The following TMC1 variants were observed in gnomAD, a reference collection of about 807,000 sequenced individuals.
TMC1 encodes transmembrane channel-like protein 1.
TMC1 carries 84 observed loss-of-function variants against 105.8 expected under a neutral mutation model. The ratio of observed to expected loss-of-function variants is 0.79; its 90% CI spans 0.67 to 0.95. The LOEUF is 0.95. Ranked by LOEUF, TMC1 falls within the 40% of genes least tolerant of loss-of-function variation. The pLI is 0.00. For missense variants in TMC1, 817 were observed against 914.1 expected (o/e 0.89, Z 1.37); for synonymous variants, 315 against 311.5 (o/e 1.01, Z -0.12).
chr9:72,564,716 T>C (rs1228452810), intron 1 of TMC1, among the ~76,000 whole-genome samples: 5 of 152,310 alleles, frequency 3.3e-5, no homozygotes, highest in Non-Finnish European at 7.4e-5. Flanking sequence ...ACAGATTCCA[T>C]AGTGAAAGGC....
intron 2 of TMC1, among the ~76,000 whole-genome samples, chr9:72,594,213 C>T (rs1433727445): frequency 6.6e-6 from 1 of 152,094 alleles, no homozygotes; most frequent in Admixed American, 6.5e-5. Flanking sequence ...AAGAAATGGA[C>T]AAAGCAGAAA....
intron 1 of TMC1, among the ~76,000 whole-genome samples, chr9:72,555,569 C>T (rs182547500): frequency 2.0e-5 from 3 of 152,090 alleles, no homozygotes; most frequent in Middle Eastern, 3.4e-3. Flanking sequence ...AAATCCCATG[C>T]GAATAAGTGG....
chr9:72,781,574 A>G lies in TMC1; in HGVS notation c.885-6765A>G, dbSNP rs145781700. Reference sequence around the variant, plus strand: ...ATAAGATTGATAGACCACTAGCTAGATTAATAAAGAAAAAAGAAGATTCAA... The same window carrying G: ...ATAAGATTGATAGACCACTAGCTAGGTTAATAAAGAAAAAAGAAGATTCAA... On this transcript the variant is annotated intron_variant, in intron 13 of 23. Transcript: ENST00000297784. 5.7e-3 allele frequency among the ~76,000 whole-genome samples: 872 copies of G among 152,278 alleles called. 6 individuals are homozygous for G. Among genetic ancestry groups the G allele is most frequent in the African/African-American group, 0.02 (835 of 41,572 alleles).
chr9:72,589,602 C>T (rs1280237513), intron 2 of TMC1, among the ~76,000 whole-genome samples: 1 of 151,372 alleles, frequency 6.6e-6, no homozygotes, highest in East Asian at 1.9e-4. Flanking sequence ...ACCTGAGGCA[C>T]GTTTTTAACA....
intron 5 of TMC1, among the ~76,000 whole-genome samples, chr9:72,679,725 TC>T (rs1826257627): frequency 6.6e-6 from 1 of 152,068 alleles, no homozygotes; most frequent in South Asian, 2.1e-4. Context: ...GAAGGTTTCA[TC>T]CCATGACCTA....
chr9:72,689,894 T>A (rs930914382), intron 6 of TMC1, among the ~76,000 whole-genome samples: 1 of 152,114 alleles, frequency 6.6e-6, no homozygotes, highest in Non-Finnish European at 1.5e-5. Flanking sequence ...GGTTTCTTTT[T>A]TAATTCATTC....
chr9:72,793,326 C>G (rs1310336369), intron 17 of TMC1, among the ~76,000 whole-genome samples: 1 of 152,172 alleles, frequency 6.6e-6, no homozygotes, highest in Non-Finnish European at 1.5e-5. Context: ...TGGCTTGGAA[C>G]TCCAGCCAGT....
intron 17 of TMC1, among the ~76,000 whole-genome samples, chr9:72,804,811 G>A (rs1057285381): frequency 2.0e-5 from 3 of 152,170 alleles, no homozygotes; most frequent in Admixed American, 6.5e-5. Flanking sequence ...TTTGTCATTC[G>A]TGAGGCAACA....
chr9:72,652,604 C>T (rs572192796), intron 5 of TMC1, among the ~76,000 whole-genome samples: 8 of 152,208 alleles, frequency 5.3e-5, no homozygotes, highest in South Asian at 2.1e-4. Flanking sequence ...ACCTGCAATG[C>T]GGACCAACCC....
chr9:72,601,472 C>T (rs1270606574), intron 2 of TMC1, among the ~76,000 whole-genome samples: 5 of 151,930 alleles, frequency 3.3e-5, no homozygotes, highest in African/African-American at 9.7e-5. Flanking sequence ...GGTGAAACCC[C>T]GTCTCTACTA....
chr9:72,688,295 A>G (rs902205853), intron 5 of TMC1, among the ~76,000 whole-genome samples: 12 of 152,174 alleles, frequency 7.9e-5, no homozygotes, highest in Admixed American at 5.9e-4. Flanking sequence ...TTAAGTAGTT[A>G]ATTTGGTTAT....
intron 1 of TMC1, among the ~76,000 whole-genome samples, chr9:72,535,981 A>C (rs1405075004): frequency 6.6e-6 from 1 of 152,212 alleles, no homozygotes; most frequent in Non-Finnish European, 1.5e-5. Context: ...ACATTGGGAT[A>C]AAATTTCAAC....
At chr9:72,795,863 A>T (rs1429203101) in intron 17 of TMC1, among the ~76,000 whole-genome samples, 3 of 108,796 alleles carry the variant, frequency 2.8e-5, no homozygotes, top group South Asian at 2.4e-4. Flanking sequence ...AAGCTGTATT[A>T]AAAAAAAAGC....
At chr9:72,554,699 G>C (rs1375944577) in intron 1 of TMC1, among the ~76,000 whole-genome samples, 1 of 152,120 alleles carries the variant, frequency 6.6e-6, no homozygotes, top group Non-Finnish European at 1.5e-5. Flanking sequence ...CTTTGTGGAT[G>C]CCACTTTCTC....
chr9:72,626,275 T>C (rs1044602174), intron 3 of TMC1, among the ~76,000 whole-genome samples: 4 of 152,186 alleles, frequency 2.6e-5, no homozygotes, highest in African/African-American at 9.6e-5. Flanking sequence ...GTCACTGTTC[T>C]AGGGTGGTTT....
intron 5 of TMC1, among the ~76,000 whole-genome samples, chr9:72,678,920 A>G (rs1056356261): frequency 6.6e-6 from 1 of 152,074 alleles, no homozygotes; most frequent in Non-Finnish European, 1.5e-5. Context: ...TTTAGTGTCT[A>G]TGCCAAGCAA....
intron 2 of TMC1, among the ~76,000 whole-genome samples, chr9:72,595,157 TGCCTG>T (rs1382660938): frequency 6.6e-6 from 1 of 152,104 alleles, no homozygotes; most frequent in African/African-American, 2.4e-5. Flanking sequence ...TGAGCCAACA[TGCCTG>T]GCCTCCTCTG....
At chr9:72,591,301 G>A (rs1023329830) in intron 2 of TMC1, among the ~76,000 whole-genome samples, 3 of 152,158 alleles carry the variant, frequency 2.0e-5, no homozygotes, top group Non-Finnish European at 2.9e-5. Context: ...TCTGGCCTTG[G>A]CTTTCCAGAG....
chr9:72,590,418 A>G (rs948922508), intron 2 of TMC1, among the ~76,000 whole-genome samples: 2 of 152,356 alleles, frequency 1.3e-5, no homozygotes, highest in African/African-American at 4.8e-5. Flanking sequence ...AGGCAGTGAA[A>G]GAGCTCTCTC....
Sources: gnomAD v4.1 joint callset for allele counts (sites outside exome capture counted in the v4.1 genomes callset) on GRCh38, gnomAD v4.1.1 for gene constraint, MANE v1.5 for transcripts, NCBI Gene and HGNC (gene_info 2026-07-23, HGNC 2026-07-21) for gene names.